The following SLC2A5 variants were observed in gnomAD, a reference collection of about 807,000 sequenced individuals.
SLC2A5 encodes solute carrier family 2 member 5.
In SLC2A5, 56 loss-of-function variants were observed where a neutral mutation model predicts 50.3. The observed-to-expected ratio is 1.11, with a 90% confidence interval of 0.90 to 1.39. The LOEUF (loss-of-function observed/expected upper bound fraction) is 1.39, where lower values mean the gene tolerates loss of function less well. SLC2A5 is among the 40% of genes most tolerant of loss of function. The pLI, the probability that SLC2A5 is intolerant of heterozygous loss-of-function variation, is 0.00. For synonymous variants in SLC2A5, 269 were observed against 281.9 expected (o/e 0.95, Z 0.46); for missense variants, 566 against 650.1 (o/e 0.87, Z 1.41).
Position 9,037,707 on chromosome 1 carries a change from T to G in SLC2A5, c.1385A>C (p.Glu462Ala). 1 of 1,614,208 alleles carries G rather than the reference T, an allele frequency of 6.2e-7. No homozygotes were observed. The highest frequency in any genetic ancestry group is 8.5e-7 in the Non-Finnish European group (1 of 1,180,040). The change falls in exon 12 of 12, where the codon GAG (glutamate) becomes GCG (alanine). Residue 462 changes from glutamate to alanine, a missense_variant. Transcript: ENST00000377424. ...CTCTATGAACGTCTTGGCCTTGGTCTCCGGGACAATCAAGAAGATGTAGAT... is the reference window on the plus strand; with the variant it reads ...CTCTATGAACGTCTTGGCCTTGGTCGCCGGGACAATCAAGAAGATGTAGAT... ...TTIYIFLIVPETKAKTFIEIN... is the reference protein window; with the variant it reads ...TTIYIFLIVPATKAKTFIEIN...
At chr1:9,089,288 C>T (rs893829334), upstream of SLC2A5, among the ~76,000 whole-genome samples, 1 of 152,186 alleles carries the variant, frequency 6.6e-6, no homozygotes, top group Non-Finnish European at 1.5e-5. Flanking sequence ...AGAAATTACA[C>T]AAGAGCCCCA....
chr1:9,066,020 C>G (rs1452082418), intron 1 of SLC2A5, among the ~76,000 whole-genome samples: 1 of 152,022 alleles, frequency 6.6e-6, no homozygotes, highest in Non-Finnish European at 1.5e-5. Context: ...ACACTTAGGA[C>G]CATGCCTGGT....
rs969489370 is a variant in SLC2A5, at chr1:9,063,853, G to A, written c.34-5603C>T. Reference sequence around the variant, plus strand: ...TGGGACTACAGGCGCCCGCTACCACGCCCGGCTAATTTTTTGTATTTTTAG... The same window carrying A: ...TGGGACTACAGGCGCCCGCTACCACACCCGGCTAATTTTTTGTATTTTTAG... On this transcript the variant is annotated intron_variant, in intron 1 of 11. Transcript: ENST00000377424. Among the ~76,000 whole-genome samples, 4 of 143,044 alleles carry A rather than the reference G, an allele frequency of 2.8e-5. 1 individual carries two copies. The highest frequency in any genetic ancestry group is 6.9e-5 in the Admixed American group (1 of 14,540). 93.8% of individuals were successfully genotyped at this position (143,044 alleles called of 152,430 possible).
chr1:9,038,026 T>C lies in SLC2A5; in HGVS notation c.1175-2A>G, dbSNP rs760266328. 51 of 1,613,458 alleles carry C rather than the reference T, an allele frequency of 3.2e-5. No homozygotes were observed. The highest frequency in any genetic ancestry group is 4.1e-5 in the Non-Finnish European group (48 of 1,179,928). ...TGATGAGCAGCGCGGGTATGGGACC[T>C]GTAGGGGGAGGAGAGCAGCCTCCCT... On this transcript the variant is annotated splice_acceptor_variant, in intron 10 of 11. Coordinates refer to ENST00000377424, the MANE Select transcript of SLC2A5 (RefSeq NM_003039.3). LOFTEE classifies it high-confidence loss of function.
intron 2 of SLC2A5, among the ~76,000 whole-genome samples, chr1:9,075,958 G>C (rs1281121539): frequency 1.4e-5 from 2 of 140,892 alleles, no homozygotes; most frequent in African/African-American, 5.2e-5. Flanking sequence ...ACCGCGCCCG[G>C]CATTTTTTTT....
At chr1:9,063,460 C>T (rs936622080) in intron 1 of SLC2A5, among the ~76,000 whole-genome samples, 2 of 151,770 alleles carry the variant, frequency 1.3e-5, no homozygotes, top group African/African-American at 4.8e-5. Context: ...GTAGCCTCCA[C>T]CTCCTCGGTT....
In SLC2A5 at chr1:9,037,548, C is replaced by T. The variant is rs1409050545; in HGVS notation, c.*38G>A. ...CAGAAAAATAAGCCAAAGTGGGAAG[C>T]CCCTGGCAGACCAGCTCCACTGGCT... is the stretch of plus-strand genomic sequence containing the variant. On this transcript the variant is annotated 3_prime_UTR_variant, in exon 12 of 12. Transcript: ENST00000377424. The T allele has an allele frequency of 3.8e-6, 6 of 1,575,174 alleles. No homozygotes were observed. The highest frequency in any genetic ancestry group is 2.2e-5 in the South Asian group (2 of 90,082).
At chr1:9,055,462 T>A (rs1281706856) in intron 3 of SLC2A5, among the ~76,000 whole-genome samples, 2 of 150,958 alleles carry the variant, frequency 1.3e-5, no homozygotes, top group Non-Finnish European at 3.0e-5. Flanking sequence ...GGTTGCAGTG[T>A]GCTGAGATCA....
intron 1 of SLC2A5, among the ~76,000 whole-genome samples, chr1:9,065,053 CA>C (rs199947177): frequency 0.22 from 23,692 of 107,106 alleles, 2,732 homozygotes; most frequent in East Asian, 0.54. Context: ...GATTCTGTCT[CA>C]AAAAAAAAAA....
At chr1:9,047,361 A>G (rs947902246) in intron 4 of SLC2A5, among the ~76,000 whole-genome samples, 2 of 152,192 alleles carry the variant, frequency 1.3e-5, no homozygotes, top group Non-Finnish European at 2.9e-5. Context: ...AAAGGATTGG[A>G]TTGGAATGAC....
At chr1:9,065,958 T>C (rs1343503209) in intron 1 of SLC2A5, among the ~76,000 whole-genome samples, 2 of 152,192 alleles carry the variant, frequency 1.3e-5, no homozygotes, top group Non-Finnish European at 2.9e-5. Flanking sequence ...AAAAAATTTT[T>C]TTTTGAGGAT....
At chr1:9,090,706 C>T (rs1642453889), upstream of SLC2A5, among the ~76,000 whole-genome samples, 1 of 152,192 alleles carries the variant, frequency 6.6e-6, no homozygotes, top group Admixed American at 6.5e-5. Flanking sequence ...TTTGCTCTCA[C>T]TTGGACTGAT....
At chr1:9,087,871 C>T (rs529512558) in intron 1 of SLC2A5, among the ~76,000 whole-genome samples, 1 of 152,188 alleles carries the variant, frequency 6.6e-6, no homozygotes, top group South Asian at 2.1e-4. Context: ...CCTCGTGTGC[C>T]TCCAGTCCAG....
intron 1 of SLC2A5, among the ~76,000 whole-genome samples, chr1:9,059,182 A>G (rs12354229): frequency 0.72 from 86,895 of 120,808 alleles, 32,341 homozygotes; most frequent in East Asian, 0.96. Context: ...TTGCTCTGTC[A>G]CCCAGGCTGG....
Position 9,037,951 on chromosome 1 carries a change from GC to G in SLC2A5, c.1247del (p.Gly416AlafsTer13). 1.2e-6 allele frequency: 2 copies of G among 1,613,972 alleles called. No homozygotes were observed. The highest frequency in any genetic ancestry group is 1.7e-6 in the Non-Finnish European group (2 of 1,180,018). ...TGAAGTTGGAGAGCCAGTGCACACT[GC>G]CCCCCACCATGAAGGCAGATGGCCG... Reference protein sequence around the residue: ...SSRPSAFMVGGSVHWLSNFTV... With the variant: ...SSRPSAFMVGXSVHWLSNFTV... On this transcript the variant is annotated frameshift_variant, in exon 11 of 12. Transcript: ENST00000377424. LOFTEE classifies it high-confidence loss of function.
chr1:9,068,306 C>T (rs979373038), intron 1 of SLC2A5, among the ~76,000 whole-genome samples: 1 of 151,852 alleles, frequency 6.6e-6, no homozygotes, highest in East Asian at 1.9e-4. Context: ...CTCCAGCACC[C>T]TATGAGGCGG....
At position 9,084,012 on chromosome 1, in the gene SLC2A5, C is replaced by T. The variant is rs548166757; in HGVS notation, c.-59+1002G>A. On this transcript the variant is annotated intron_variant, in intron 2 of 5. Transcript: ENST00000464985. Reference sequence around the variant, plus strand: ...ACAAAAAATTAGCCGGGCAAGGTGGCGGGCGCCTGTAGTCCCAGCTACGCG... The same window carrying T: ...ACAAAAAATTAGCCGGGCAAGGTGGTGGGCGCCTGTAGTCCCAGCTACGCG... Among the ~76,000 whole-genome samples, 118 of 152,112 alleles carry T rather than the reference C, an allele frequency of 7.8e-4. 1 individual carries two copies. The highest frequency in any genetic ancestry group is 2.7e-3 in the African/African-American group (113 of 41,510).
intron 2 of SLC2A5, among the ~76,000 whole-genome samples, chr1:9,077,072 C>T (rs72632939): frequency 0.13 from 19,442 of 150,552 alleles, 1,393 homozygotes; most frequent in Middle Eastern, 0.22. Context: ...TAGGCATGAG[C>T]CACCATGCCA....
At chr1:9,039,396 GC>G (rs1458515518) in intron 8 of SLC2A5, among the ~76,000 whole-genome samples, 155 bp downstream of exon 8, 1 of 152,200 alleles carries the variant, frequency 6.6e-6, no homozygotes, top group Non-Finnish European at 1.5e-5. Flanking sequence ...AGTGTGAGGG[GC>G]TGGTGCGGGG....
Sources: gnomAD v4.1 joint callset for allele counts (sites outside exome capture counted in the v4.1 genomes callset) on GRCh38, gnomAD v4.1.1 for gene constraint, MANE v1.5 for transcripts, NCBI Gene and HGNC (gene_info 2026-07-23, HGNC 2026-07-21) for gene names.